The following GALNT13 variants were observed in gnomAD, a reference collection of about 807,000 sequenced individuals.
The protein encoded by GALNT13 is polypeptide N-acetylgalactosaminyltransferase 13, also known as UDP-GalNAc:polypeptide N-acetylgalactosaminyltransferase 13.
Under a neutral mutation model 64.2 loss-of-function variants are expected in GALNT13, and 28 were observed. The ratio of observed to expected loss-of-function variants is 0.44; its 90% CI spans 0.32 to 0.60. GALNT13 has a LOEUF of 0.60. Among genes scored for constraint, GALNT13 ranks in the 20% least tolerant of loss-of-function variants. GALNT13 has a pLI of 0.05. For synonymous variants in GALNT13, 214 were observed against 224.6 expected (o/e 0.95, Z 0.42); for missense variants, 577 against 669.8 (o/e 0.86, Z 1.53).
the GALNT13 span, among the ~76,000 whole-genome samples, chr2:153,334,384 T>C: frequency 2.0e-5 from 3 of 152,184 alleles, no homozygotes; most frequent in African/African-American, 7.2e-5. Context: ...GGTTTATATA[T>C]AGTACAACTG....
chr2:153,246,984 C>T, the GALNT13 span, among the ~76,000 whole-genome samples: 113 of 152,172 alleles, frequency 7.4e-4, 1 homozygote, highest in African/African-American at 2.5e-3. Context: ...AGAAAAAAAG[C>T]AGGGGTTGCA....
the GALNT13 span, among the ~76,000 whole-genome samples, chr2:153,255,525 G>T: frequency 2.0e-5 from 3 of 151,226 alleles, no homozygotes; most frequent in Admixed American, 6.6e-5. Flanking sequence ...ATGTTAGCTG[G>T]TTATTTTGCT....
intron 3 of GALNT13, among the ~76,000 whole-genome samples, chr2:154,025,399 A>G (rs116044518): frequency 1.5e-3 from 223 of 152,318 alleles, no homozygotes; most frequent in African/African-American, 5.1e-3. Flanking sequence ...ATGTTTTAGT[A>G]CATTTTCTTT....
chr2:154,225,185 G>GATAC (rs1276245031), intron 4 of GALNT13, among the ~76,000 whole-genome samples: 1 of 151,806 alleles, frequency 6.6e-6, no homozygotes, highest in African/African-American at 2.4e-5. Context: ...TAGATAGATA[G>GATAC]ATAGATAGAT....
At chr2:153,706,664 G>A in the GALNT13 span, among the ~76,000 whole-genome samples, 1 of 152,082 alleles carries the variant, frequency 6.6e-6, no homozygotes, top group African/African-American at 2.4e-5. Flanking sequence ...TTTCATATCT[G>A]TCTAGTTGAA....
chr2:153,200,906 A>AGTTTTT, the GALNT13 span, among the ~76,000 whole-genome samples: 1 of 152,256 alleles, frequency 6.6e-6, no homozygotes, highest in Non-Finnish European at 1.5e-5. Context: ...CACAAAAAAG[A>AGTTTTT]TGGGACTGAA....
the GALNT13 span, among the ~76,000 whole-genome samples, chr2:153,429,582 T>G: frequency 6.6e-6 from 1 of 152,158 alleles, no homozygotes; most frequent in East Asian, 1.9e-4. Flanking sequence ...GGCAGTGTTA[T>G]TCACAATCTC....
chr2:153,754,068 A>T, the GALNT13 span, among the ~76,000 whole-genome samples: 1 of 152,186 alleles, frequency 6.6e-6, no homozygotes, highest in Non-Finnish European at 1.5e-5. Flanking sequence ...CTTGTGGTAA[A>T]TGCTGGTGGC....
chr2:153,909,511 G>T (rs1035891335), intron 2 of GALNT13, among the ~76,000 whole-genome samples: 1 of 151,924 alleles, frequency 6.6e-6, no homozygotes, highest in African/African-American at 2.4e-5. Context: ...CTTGTCTTGT[G>T]TGGCTTTTCA....
the GALNT13 span, among the ~76,000 whole-genome samples, chr2:153,853,709 A>T: frequency 6.7e-6 from 1 of 150,220 alleles, no homozygotes; most frequent in Non-Finnish European, 1.5e-5. Flanking sequence ...ATAATATCAT[A>T]TAATTATATA....
At chr2:153,934,585 C>T (rs1690766493) in intron 2 of GALNT13, among the ~76,000 whole-genome samples, 2 of 152,116 alleles carry the variant, frequency 1.3e-5, no homozygotes, top group South Asian at 4.1e-4. Context: ...ACATATTGGT[C>T]TTTTAACACA....
the GALNT13 span, among the ~76,000 whole-genome samples, chr2:153,661,218 C>T: frequency 3.6e-4 from 55 of 152,058 alleles, no homozygotes; most frequent in East Asian, 6.8e-3. Context: ...ACTAGAATCA[C>T]GGAATATTAT....
intron 9 of GALNT13, among the ~76,000 whole-genome samples, chr2:154,323,810 G>A (rs759395790): frequency 6.6e-6 from 1 of 151,830 alleles, no homozygotes; most frequent in South Asian, 2.1e-4. Flanking sequence ...AGCAGCATAC[G>A]TATTCTTATG....
the GALNT13 span, among the ~76,000 whole-genome samples, chr2:153,308,077 A>G: frequency 6.6e-6 from 1 of 152,198 alleles, no homozygotes; most frequent in Non-Finnish European, 1.5e-5. Context: ...TCAGAAAAAA[A>G]TGCTGCTGAT....
chr2:153,190,176 A>G, the GALNT13 span, among the ~76,000 whole-genome samples: 2 of 152,040 alleles, frequency 1.3e-5, no homozygotes, highest in Non-Finnish European at 2.9e-5. Flanking sequence ...GTCTAGACCA[A>G]TGTCCTATAG....
chr2:154,255,985 C>T (rs1559051487), intron 7 of GALNT13, among the ~76,000 whole-genome samples: 1 of 151,634 alleles, frequency 6.6e-6, no homozygotes, highest in East Asian at 1.9e-4. Flanking sequence ...CCTGGGAAGT[C>T]GAGGCTGCAG....
At chr2:154,345,483 T>C (rs1429889020) in intron 9 of GALNT13, among the ~76,000 whole-genome samples, 1 of 152,068 alleles carries the variant, frequency 6.6e-6, no homozygotes, top group African/African-American at 2.4e-5. Context: ...TAGCTATACC[T>C]GGCTTCTGAG....
chr2:153,390,462 C>CA, the GALNT13 span, among the ~76,000 whole-genome samples: 10 of 150,726 alleles, frequency 6.6e-5, no homozygotes, highest in African/African-American at 2.2e-4. Flanking sequence ...AAGTTAAAAA[C>CA]AAAAAAAAGA....
the GALNT13 span, among the ~76,000 whole-genome samples, chr2:153,247,915 C>G: frequency 4.6e-5 from 7 of 152,140 alleles, no homozygotes; most frequent in Non-Finnish European, 8.8e-5. Flanking sequence ...AAACTACCAT[C>G]AGAAAATACG....
Sources: gnomAD v4.1 joint callset for allele counts (sites outside exome capture counted in the v4.1 genomes callset) on GRCh38, gnomAD v4.1.1 for gene constraint, MANE v1.5 for transcripts, NCBI Gene and HGNC (gene_info 2026-07-23, HGNC 2026-07-21) for gene names.